The following NBPF3 variants were observed in gnomAD, a reference collection of about 807,000 sequenced individuals.
NBPF3 encodes NBPF family member NBPF3.
A neutral mutation model predicts 78.1 loss-of-function variants in NBPF3; 57 were observed. That is an observed-to-expected ratio of 0.73 (90% CI 0.59 to 0.91). NBPF3 has a LOEUF of 0.91. Ranked by LOEUF, NBPF3 falls within the 40% of genes least tolerant of loss-of-function variation. NBPF3 has a pLI of 0.00. For missense variants in NBPF3, 510 were observed against 715.3 expected (o/e 0.71, Z 3.27); for synonymous variants, 182 against 271.7 (o/e 0.67, Z 3.25).
intron 2 of NBPF3, among the ~76,000 whole-genome samples, chr1:21,456,173 T>C (rs1315173537): frequency 6.6e-6 from 1 of 152,148 alleles, no homozygotes; most frequent in East Asian, 1.9e-4. Flanking sequence ...TCCACATAAG[T>C]CCAAAGTGAT....
At chr1:21,468,407 C>A in intron 2 of NBPF3, 3 of 1,327,912 alleles carry the variant, frequency 2.3e-6, no homozygotes, top group Non-Finnish European at 2.9e-6. Context: ...TTCCATGACA[C>A]CCCCACCTTC....
chr1:21,475,375 T>C (rs2148002903), intron 8 of NBPF3, among the ~76,000 whole-genome samples: 1 of 152,342 alleles, frequency 6.6e-6, no homozygotes, highest in East Asian at 1.9e-4. Flanking sequence ...TTTTAGATCT[T>C]TCCCTTCCTT....
At chr1:21,480,558 T>C (rs1465920082) in intron 11 of NBPF3, among the ~76,000 whole-genome samples, 1 of 151,838 alleles carries the variant, frequency 6.6e-6, no homozygotes, top group African/African-American at 2.4e-5. Flanking sequence ...AATTTCAGTG[T>C]CTTGCAACCA....
At position 21,475,919 on chromosome 1, in the gene NBPF3, A is replaced by G. The variant is rs558649936; in HGVS notation, c.992+968A>G. The stretch of plus-strand genomic sequence containing the variant: ...TGTGTGGGAGTCTAAGTCTCTTTTT[A>G]GGTCTCTCAGGACTTGCTTTATGAA... On this transcript the variant is annotated intron_variant, in intron 8 of 14. Transcript: ENST00000318249. Among the ~76,000 whole-genome samples, 23 of 108,780 alleles carry G rather than the reference A, an allele frequency of 2.1e-4. No homozygotes were observed. The South Asian group carries it at 0.01, about 48-fold the overall frequency. The allele number at this position is 108,780 out of a possible 152,430, so 71.4% of individuals were successfully genotyped here.
chr1:21,449,283 T>C (rs1326190115), intron 2 of NBPF3, among the ~76,000 whole-genome samples: 1 of 151,592 alleles, frequency 6.6e-6, no homozygotes, highest in Non-Finnish European at 1.5e-5. Context: ...TTGGGGAACA[T>C]AACAGTAGTC....
At chr1:21,447,294 G>A (rs1641043794) in intron 2 of NBPF3, among the ~76,000 whole-genome samples, 1 of 152,172 alleles carries the variant, frequency 6.6e-6, no homozygotes, top group Admixed American at 6.5e-5. Flanking sequence ...TTACATTAGA[G>A]TTCATTCTTT....
chr1:21,463,143 G>A (rs7365645), intron 2 of NBPF3, among the ~76,000 whole-genome samples: 1 of 152,164 alleles, frequency 6.6e-6, no homozygotes, highest in African/African-American at 2.4e-5. Context: ...AACACCAGAG[G>A]TATCTTGAGT....
At position 21,472,871 on chromosome 1, in the gene NBPF3, T is replaced by TA; in HGVS notation, c.693dup (p.Val232SerfsTer2). On this transcript the variant is annotated frameshift_variant, in exon 6 of 15. Transcript: ENST00000318249. LOFTEE classifies it high-confidence loss of function. ...ATGATGACGATGAGGATGAAGATGT[T>TA]AAAGTTGAGGAGGCTGAGAAAGTAC... The TA allele has an allele frequency of 6.2e-7, 1 of 1,612,974 alleles. No homozygotes were observed. Among genetic ancestry groups the TA allele is most frequent in the Middle Eastern group, 1.7e-4 (1 of 6,050 alleles).
At position 21,476,593 on chromosome 1, in the gene NBPF3, C is replaced by T. The variant is rs548439012; in HGVS notation, c.993-1551C>T. 4.6e-5 allele frequency among the ~76,000 whole-genome samples: 7 copies of T among 152,238 alleles called. No individual in the cohort carries two copies. The East Asian group carries it at 7.7e-4, about 17-fold the overall frequency. The stretch of plus-strand genomic sequence containing the variant: ...TGAAAATTCTTTTGTTTATGAATGT[C>T]GAATATTGGCCTCCACTCTCTTCTG... On this transcript the variant is annotated intron_variant, in intron 8 of 14. Coordinates refer to ENST00000318249, the MANE Select transcript of NBPF3 (RefSeq NM_032264.6). The surrounding 1 kb of genome is among the most constrained non-coding windows in gnomAD (Gnocchi z 4.1).
chr1:21,479,725 G>A (rs979035182), intron 10 of NBPF3, among the ~76,000 whole-genome samples: 3 of 151,742 alleles, frequency 2.0e-5, no homozygotes, highest in South Asian at 2.1e-4. Flanking sequence ...TGTCCTGAAG[G>A]CACAAATATA....
chr1:21,467,359 C>T (rs1357134240), intron 2 of NBPF3: 1 of 985,664 alleles, frequency 1.0e-6, no homozygotes. Flanking sequence ...AACAGTCTCC[C>T]AAGTTCCAGG....
At chr1:21,473,302 G>A (rs1037885018) in intron 6 of NBPF3, 78 bp from the exon 7 acceptor site, 15 of 1,531,790 alleles carry the variant, frequency 9.8e-6, no homozygotes, top group Middle Eastern at 2.0e-4. Flanking sequence ...GCCTCCTGTC[G>A]AAACCAGCTA....
intron 2 of NBPF3, among the ~76,000 whole-genome samples, chr1:21,457,380 A>ATGTATATATATGTG (rs1641679486): frequency 1.4e-5 from 2 of 148,138 alleles, no homozygotes; most frequent in South Asian, 4.3e-4. Context: ...ATATATATGT[A>ATGTATATATATGTG]TGTATATATA....
At chr1:21,477,486 A>G (rs1195815801) in intron 8 of NBPF3, among the ~76,000 whole-genome samples, 1 of 152,044 alleles carries the variant, frequency 6.6e-6, no homozygotes, top group African/African-American at 2.4e-5. Context: ...GTTGACGTTG[A>G]TTCCTTTCTG....
chr1:21,481,772 G>T lies in NBPF3; in HGVS notation c.1606+3G>T. The T allele has an allele frequency of 2.4e-6, 2 of 839,562 alleles. No individual in the cohort carries two copies. Among genetic ancestry groups the T allele is most frequent in the Non-Finnish European group, 3.4e-6 (2 of 584,810 alleles). The allele number at this position is 839,562 out of a possible 1,614,324, so 52.0% of individuals were successfully genotyped here. A position where few individuals can be genotyped will look rare whatever the true frequency, so the allele number is the denominator to read the frequency against. On this transcript the variant is annotated splice_donor_region_variant and intron_variant, in intron 13 of 14. Coordinates refer to ENST00000318249, the MANE Select transcript of NBPF3 (RefSeq NM_032264.6). ...TGGCTTTTCTCTTGACGTGGATGGT[G>T]AGTACCTTTCTATGAGGGTGATAAG...
chr1:21,448,574 T>A (rs1641123319), intron 2 of NBPF3, among the ~76,000 whole-genome samples: 1 of 152,182 alleles, frequency 6.6e-6, no homozygotes, highest in Admixed American at 6.5e-5. Flanking sequence ...GTGCCAGACG[T>A]CAGGGGGGTT....
At position 21,483,153 on chromosome 1, in the gene NBPF3, GT is replaced by G; in HGVS notation, c.1670del (p.Val557GlyfsTer2). On this transcript the variant is annotated frameshift_variant, in exon 15 of 15. Coordinates refer to ENST00000318249, the MANE Select transcript of NBPF3 (RefSeq NM_032264.6). LOFTEE classifies it low-confidence loss of function (END_TRUNC). ...QKPPCPRLNE[V>X]LMEAEEPEVL... is the part of the protein sequence containing the mutation. The stretch of plus-strand genomic sequence containing the variant: ...TGTCTCCTTTTCCAGGCTCAACGAG[GT>G]GCTGATGGAAGCAGAAGAGCCTGAA... 1 of 1,611,222 alleles carries G rather than the reference GT, an allele frequency of 6.2e-7. No homozygotes were observed. Among genetic ancestry groups the G allele is most frequent in the Non-Finnish European group, 8.5e-7 (1 of 1,179,348 alleles).
chr1:21,464,000 T>G (rs1028067460), intron 2 of NBPF3, among the ~76,000 whole-genome samples: 1 of 152,256 alleles, frequency 6.6e-6, no homozygotes, highest in Non-Finnish European at 1.5e-5. Context: ...ATATTACTAT[T>G]GGGAATCTAA....
chr1:21,478,249 C>T lies in NBPF3; in HGVS notation c.1098C>T (p.Asp366=). 9.3e-6 allele frequency: 15 copies of T among 1,614,158 alleles called. No individual in the cohort carries two copies. The highest frequency in any genetic ancestry group is 1.3e-5 in the Non-Finnish European group (15 of 1,180,034). The change falls in exon 9 of 15, where the codon GAC becomes GAT. Residue 366 remains aspartate (D), a synonymous_variant. Coordinates refer to ENST00000318249, the MANE Select transcript of NBPF3 (RefSeq NM_032264.6). ...PPDMSASYQS[D]RSTFHSVEEQ... is the part of the protein sequence containing the mutation. ...ACATGTCTGCCTCATACCAGTCTGA[C>T]AGGAGCACCTTTCACTCAGTAGAGG... is the stretch of plus-strand genomic sequence containing the variant.
Sources: allele counts gnomAD v4.1 joint callset (sites outside exome capture counted in the v4.1 genomes callset), GRCh38; gene constraint gnomAD v4.1.1; non-coding constraint Gnocchi (gnomAD v3.1); transcripts MANE v1.5; gene names NCBI Gene and HGNC (gene_info 2026-07-23, HGNC 2026-07-21).